Variants in IRS1 observed in about 807,000 individuals in gnomAD.
IRS1 encodes insulin receptor substrate 1.
In IRS1, 34 loss-of-function variants were observed where a neutral mutation model predicts 65.6. The observed-to-expected ratio is 0.52, with a 90% CI of 0.39 to 0.69. The LOEUF (loss-of-function observed/expected upper bound fraction) is 0.69. Among genes scored for constraint, IRS1 ranks in the 30% least tolerant of loss-of-function variants. The pLI is 0.00. For synonymous variants in IRS1, 699 were observed against 683.5 expected, an observed-to-expected ratio of 1.02 and a Z score of -0.35; for missense variants, 1,641 against 1,720.2, an observed-to-expected ratio of 0.95 and a Z score of 0.81.
At position 226,797,372 on chromosome 2, in the gene IRS1, G is replaced by T. The variant is rs1475851034; in HGVS notation, c.1367C>A (p.Ala456Asp). The T allele has an allele frequency of 8.1e-6, 13 of 1,613,010 alleles. No individual in the cohort carries two copies. Among genetic ancestry groups the T allele is most frequent in the Non-Finnish European group, 1.1e-5 (13 of 1,179,794 alleles). Residue 456 changes from alanine (A) to aspartate (D), a missense_variant, in exon 1 of 2, where the codon GCC becomes GAC. Physicochemically the swap from Ala to Asp is moderately radical, Grantham distance 126. Coordinates refer to ENST00000305123, the MANE Select transcript of IRS1 (RefSeq NM_005544.3). This position sits in a 1 kb window ranked among gnomAD's most constrained non-coding sequence, Gnocchi z 8.1. ...TPDSLGHTPP[A>D]RGEEELSNYI... The stretch of plus-strand genomic sequence containing the variant: ...GTTGCTTAGCTCCTCCTCACCGCGG[G>T]CTGGTGGGGTGTGGCCCAGGGAATC...
At chr2:226,766,194 C>CACTCTGTT (rs1426986462) in intron 1 of IRS1, among the ~76,000 whole-genome samples, 1 of 45,354 alleles carries the variant, frequency 2.2e-5, no homozygotes, top group Non-Finnish European at 4.4e-5. Context: ...GACAGGGTCT[C>CACTCTGTT]ACTCTGTTGC....
chr2:226,779,653 C>A (rs1174264626), intron 1 of IRS1, among the ~76,000 whole-genome samples: 1 of 152,128 alleles, frequency 6.6e-6, no homozygotes, highest in Non-Finnish European at 1.5e-5. Context: ...GGGTTTCATA[C>A]CCAAATGTGA....
At position 226,798,371 on chromosome 2, in the gene IRS1, C is replaced by G. The variant is rs200009513; in HGVS notation, c.368G>C (p.Gly123Ala). Reference protein sequence around the residue: ...LHNRAKGHHDGAAALGAGGGG... With the variant: ...LHNRAKGHHDAAAALGAGGGG... ...ACCTCCCGCCCCGAGGGCCGCAGCTCCGTCGTGGTGGCCCTTAGCACGGTT... is the reference window on the plus strand; with the variant it reads ...ACCTCCCGCCCCGAGGGCCGCAGCTGCGTCGTGGTGGCCCTTAGCACGGTT... The change falls in exon 1 of 2, where the codon GGA (glycine) becomes GCA (alanine). Residue 123 changes from glycine (G) to alanine (A), a missense_variant. Gly to Ala is a moderately conservative substitution (Grantham distance 60, BLOSUM62 0). Coordinates refer to ENST00000305123, the MANE Select transcript of IRS1 (RefSeq NM_005544.3). The surrounding 1 kb of genome is among the most constrained non-coding windows in gnomAD (Gnocchi z 9.4). 1 of 1,613,830 alleles carries G rather than the reference C, an allele frequency of 6.2e-7. No individual in the cohort carries two copies. Among genetic ancestry groups the G allele is most frequent in the South Asian group, 1.1e-5 (1 of 91,074 alleles).
In IRS1 at chr2:226,799,656, CT is replaced by C; in HGVS notation, c.-919del. 1 of 1,001,846 alleles carries C rather than the reference CT, an allele frequency of 1.0e-6. No homozygotes were observed. The highest frequency in any genetic ancestry group is 1.2e-6 in the Non-Finnish European group (1 of 831,320). 62.1% of individuals were successfully genotyped at this position (1,001,846 alleles called of 1,614,324 possible). On this transcript the variant is annotated 5_prime_UTR_variant, in exon 1 of 2. Transcript: ENST00000305123. This position sits in a 1 kb window ranked among gnomAD's most constrained non-coding sequence, Gnocchi z 6.1. ...CGCTGCCGCTGCAGTTACTTCTCCC[CT>C]CCTCCCTCCTCCTCCTCCTCCTCGG...
Position 226,797,424 on chromosome 2 carries a change from G to T in IRS1, c.1315C>A (p.Arg439=), listed in dbSNP as rs760127800. The part of the protein sequence containing the change: ...DEYGSSPCDF[R]SSFRSVTPDS... ...GGAGTGACACTGCGGAAGGAACTCC[G>T]GAAATCGCAGGGACTGGAGCCATAC... The change falls in exon 1 of 2, where the codon CGG becomes AGG. Residue 439 remains arginine, a synonymous_variant. Transcript: ENST00000305123. The surrounding 1 kb of genome is among the most constrained non-coding windows in gnomAD (Gnocchi z 8.1). 1.2e-6 allele frequency: 2 copies of T among 1,612,950 alleles called. No individual in the cohort carries two copies. The highest frequency in any genetic ancestry group is 2.7e-5 in the African/African-American group (2 of 75,046).
rs867742038 is a variant in IRS1, at chr2:226,796,887, C to T, written c.1852G>A (p.Gly618Arg). The change falls in exon 1 of 2, where the codon GGG (glycine) becomes AGG (arginine). Residue 618 changes from glycine (G) to arginine (R), a missense_variant. By Grantham distance (125) the Gly-to-Arg change is moderately radical (BLOSUM62 -2). This residue lies in a region of IRS1 where 1,324 missense variants were observed against 1,361.0 expected (regional missense o/e 0.97). Transcript: ENST00000305123. ...CGGCCACTGGGCACTGGGGCCACCC[C>T]TGGGGACATGGGCATGTAGCCATCA... ...TDDGYMPMSPGVAPVPSGRKG... is the reference protein window; with the variant it reads ...TDDGYMPMSPRVAPVPSGRKG... 1 of 1,541,278 alleles carries T rather than the reference C, an allele frequency of 6.5e-7. No individual in the cohort carries two copies. Among genetic ancestry groups the T allele is most frequent in the South Asian group, 1.3e-5 (1 of 78,724 alleles).
At position 226,734,839 on chromosome 2, in the gene IRS1, A is replaced by G. The variant is rs1318152641; in HGVS notation, c.*1433T>C. 2 of 152,164 alleles carry G rather than the reference A, an allele frequency of 1.3e-5. No individual in the cohort carries two copies. The highest frequency in any genetic ancestry group is 1.9e-4 in the East Asian group (1 of 5,204). The allele number at this position is 152,164 out of a possible 1,614,324, so 9.4% of individuals were successfully genotyped here. A position where few individuals can be genotyped will look rare whatever the true frequency, so the allele number is the denominator to read the frequency against. On this transcript the variant is annotated 3_prime_UTR_variant, in exon 2 of 2. Transcript: ENST00000305123. ...CTTTCCAAACAAGAAAAGAATTAACATTTTCACTGCTGGCTAGGTGTTTCA... is the reference window on the plus strand; with the variant it reads ...CTTTCCAAACAAGAAAAGAATTAACGTTTTCACTGCTGGCTAGGTGTTTCA...
intron 1 of IRS1, among the ~76,000 whole-genome samples, chr2:226,773,112 T>C (rs1175117955): frequency 1.3e-5 from 2 of 152,328 alleles, no homozygotes; most frequent in Admixed American, 6.5e-5. Flanking sequence ...TAATGACCTA[T>C]GTAACTCTAG....
chr2:226,748,410 CAG>C (rs1553528980), intron 1 of IRS1, among the ~76,000 whole-genome samples: 1 of 117,318 alleles, frequency 8.5e-6, no homozygotes, highest in African/African-American at 3.3e-5. Context: ...GCCTGGGAAA[CAG>C]AGCGAGACTC....
Position 226,797,522 on chromosome 2 carries a change from C to G in IRS1, c.1217G>C (p.Cys406Ser). ...STSGHGSTSD[C>S]LFPRRSSASV... is the part of the protein sequence containing the mutation. ...AGCACTAGATCGCCGTGGGAAGAGA[C>G]AATCCGAGGTGGAGCCATGGCCACT... The change falls in exon 1 of 2, where the codon TGT (cysteine) becomes TCT (serine). Residue 406 changes from cysteine to serine, a missense_variant. Cys to Ser is a moderately radical substitution (Grantham distance 112). This residue lies in a region of IRS1 where 1,324 missense variants were observed against 1,361.0 expected (regional missense o/e 0.97). Transcript: ENST00000305123. This position sits in a 1 kb window ranked among gnomAD's most constrained non-coding sequence, Gnocchi z 8.1. The G allele has an allele frequency of 6.2e-7, 1 of 1,611,768 alleles. No individual in the cohort carries two copies. The highest frequency in any genetic ancestry group is 8.5e-7 in the Non-Finnish European group (1 of 1,179,394).
rs1349931074 is a variant in IRS1 at position 226,797,075 on chromosome 2, A to G, written c.1664T>C (p.Met555Thr). ...GCCACCTCCTGGTGGGTAGGCAGGC[A>G]TCATCTCTGTGTACTCCTCAATGGA... The part of the protein sequence containing the change: ...VASIEEYTEM[M>T]PAYPPGGGSG... The change falls in exon 1 of 2, where the codon ATG becomes ACG. Residue 555 changes from methionine (M) to threonine (T), a missense_variant. Transcript: ENST00000305123. This position sits in a 1 kb window ranked among gnomAD's most constrained non-coding sequence, Gnocchi z 8.1. 1 of 1,613,022 alleles carries G rather than the reference A, an allele frequency of 6.2e-7. No homozygotes were observed. Among genetic ancestry groups the G allele is most frequent in the East Asian group, 2.2e-5 (1 of 44,860 alleles).
intron 1 of IRS1, among the ~76,000 whole-genome samples, chr2:226,751,562 C>T (rs1385676101): frequency 6.6e-6 from 1 of 152,178 alleles, no homozygotes; most frequent in Non-Finnish European, 1.5e-5. Context: ...GCATTACAGG[C>T]GTGAGCCACC....
rs1939770961 is a variant in IRS1, at chr2:226,797,703, G to T, written c.1036C>A (p.Pro346Thr). 1 of 1,597,860 alleles carries T rather than the reference G, an allele frequency of 6.3e-7. No individual in the cohort carries two copies. ...MSRPASVDGSPVSPSTNRTHA... is the reference protein window; with the variant it reads ...MSRPASVDGSTVSPSTNRTHA... ...GTTCTGTTGGTGCTGGGACTCACAG[G>T]GCTGCCGTCCACCGAGGCTGGGCGG... is the stretch of plus-strand genomic sequence containing the variant. Residue 346 changes from proline to threonine, a missense_variant, in exon 1 of 2, where the codon CCT becomes ACT. This residue lies in a region of IRS1 where 1,324 missense variants were observed against 1,361.0 expected (regional missense o/e 0.97). Transcript: ENST00000305123. The surrounding 1 kb of genome is among the most constrained non-coding windows in gnomAD (Gnocchi z 8.1).
chr2:226,741,822 C>T (rs1321934046), intron 1 of IRS1, among the ~76,000 whole-genome samples: 6 of 133,286 alleles, frequency 4.5e-5, no homozygotes, highest in Admixed American at 8.4e-5. Flanking sequence ...CACACACACA[C>T]ACACATAACA....
chr2:226,762,379 A>C (rs1046908230), intron 1 of IRS1, among the ~76,000 whole-genome samples: 1 of 151,464 alleles, frequency 6.6e-6, no homozygotes, highest in East Asian at 1.9e-4. Flanking sequence ...AAAAAGAGAG[A>C]GAGCAAATCT....
intron 1 of IRS1, among the ~76,000 whole-genome samples, chr2:226,747,615 G>A (rs2106160949): frequency 6.6e-6 from 1 of 152,276 alleles, no homozygotes; most frequent in Non-Finnish European, 1.5e-5. Flanking sequence ...GAGACTCTGA[G>A]GGGACTACAG....
chr2:226,754,236 G>C (rs1938748855), intron 1 of IRS1, among the ~76,000 whole-genome samples: 1 of 152,144 alleles, frequency 6.6e-6, no homozygotes, highest in South Asian at 2.1e-4. Context: ...AATCACAATA[G>C]TATCCTCCTC....
chr2:226,744,967 A>G (rs1187865200), intron 1 of IRS1, among the ~76,000 whole-genome samples: 2 of 152,190 alleles, frequency 1.3e-5, no homozygotes, highest in African/African-American at 4.8e-5. Context: ...TGGTCTAACT[A>G]TTGAAGAAAC....
At chr2:226,741,811 A>T in intron 1 of IRS1, among the ~76,000 whole-genome samples, 1 of 149,242 alleles carries the variant, frequency 6.7e-6, no homozygotes, top group East Asian at 2.1e-4. Context: ...ACACACACAC[A>T]CACACACACA....
Sources: gnomAD v4.1 joint callset for allele counts (sites outside exome capture counted in the v4.1 genomes callset) on GRCh38, gnomAD v4.1.1 for gene constraint, gnomAD v4.1.1 regional missense constraint, Gnocchi (gnomAD v3.1) non-coding constraint, MANE v1.5 for transcripts, NCBI Gene and HGNC (gene_info 2026-07-23, HGNC 2026-07-21) for gene names.